FYB1: variants seen among roughly 807,000 people sequenced by gnomAD.
FYB1 encodes FYN binding protein 1.
A neutral mutation model predicts 94.1 loss-of-function variants in FYB1; 41 were observed. The ratio of observed to expected loss-of-function variants is 0.44; its 90% CI spans 0.34 to 0.57. The LOEUF is 0.57. Among genes scored for constraint, FYB1 ranks in the 20% least tolerant of loss-of-function variants. FYB1 has a pLI of 0.02. For missense variants in FYB1, 1,050 were observed against 976.8 expected (o/e 1.07, Z -1.00); for synonymous variants, 367 against 353.2 (o/e 1.04, Z -0.44).
intron 9 of FYB1, among the ~76,000 whole-genome samples, chr5:39,131,246 C>G (rs1741181743): frequency 6.6e-6 from 1 of 151,964 alleles, no homozygotes. Context: ...CCTATATCTC[C>G]CACTAAAATG....
chr5:39,133,846 G>GA (rs1741422970), intron 9 of FYB1, among the ~76,000 whole-genome samples: 1 of 151,996 alleles, frequency 6.6e-6, no homozygotes, highest in African/African-American at 2.4e-5. Context: ...AGATTTATGA[G>GA]AAAAAATGGG....
At chr5:39,189,088 C>T (rs1747117806) in intron 2 of FYB1, among the ~76,000 whole-genome samples, 1 of 152,130 alleles carries the variant, frequency 6.6e-6, no homozygotes, top group South Asian at 2.1e-4. Flanking sequence ...TCTTTCTCCT[C>T]AGAGATCCAT....
At chr5:39,123,542 A>G (rs151312224) in intron 13 of FYB1, among the ~76,000 whole-genome samples, 33 of 152,286 alleles carry the variant, frequency 2.2e-4, no homozygotes, top group African/African-American at 7.7e-4. Context: ...GGCACTGATC[A>G]GCTTGAGTTT....
chr5:39,206,817 T>G (rs1217102815), intron 1 of FYB1, among the ~76,000 whole-genome samples: 2 of 152,186 alleles, frequency 1.3e-5, no homozygotes, highest in Non-Finnish European at 2.9e-5. Flanking sequence ...ACACACATAT[T>G]CACAAACAAA....
chr5:39,169,701 C>T (rs529395186), intron 2 of FYB1: 5 of 449,750 alleles, frequency 1.1e-5, no homozygotes, highest in Non-Finnish European at 1.8e-5. Context: ...AAAAATTAGC[C>T]GGGCCAGTCG....
At chr5:39,223,283 A>C (rs1253716502), upstream of FYB1, among the ~76,000 whole-genome samples, 2 of 152,108 alleles carry the variant, frequency 1.3e-5, no homozygotes, top group Non-Finnish European at 2.9e-5. Flanking sequence ...ATTTTCCCCT[A>C]TCATTTAGAG....
intron 16 of FYB1, among the ~76,000 whole-genome samples, chr5:39,117,573 T>C (rs956601461): frequency 2.2e-4 from 34 of 152,184 alleles, no homozygotes; most frequent in Admixed American, 2.1e-3. Context: ...CCACATTCTG[T>C]ATTTTCCTTT....
At chr5:39,153,357 T>A in intron 3 of FYB1, 91 bp downstream of exon 3, 1 of 1,498,502 alleles carries the variant, frequency 6.7e-7, no homozygotes, top group Non-Finnish European at 9.2e-7. Context: ...CCCAGAAGTT[T>A]CCCATGGAAC....
intron 9 of FYB1, among the ~76,000 whole-genome samples, chr5:39,133,024 C>A (rs1741343687): frequency 6.6e-6 from 1 of 152,160 alleles, no homozygotes; most frequent in Non-Finnish European, 1.5e-5. Flanking sequence ...ATGTTTAGAA[C>A]ATGGTAAGAA....
At chr5:39,209,387 C>T (rs1184622417) in intron 1 of FYB1, among the ~76,000 whole-genome samples, 5 of 151,128 alleles carry the variant, frequency 3.3e-5, no homozygotes, top group Non-Finnish European at 5.9e-5. Flanking sequence ...AGTGCAGTAG[C>T]GCGATCTTGG....
intron 1 of FYB1, among the ~76,000 whole-genome samples, chr5:39,258,749 T>G (rs935966103): frequency 3.3e-5 from 5 of 152,094 alleles, no homozygotes; most frequent in Admixed American, 3.3e-4. Flanking sequence ...ACTTAGCACA[T>G]GTCAGTGATA....
intron 2 of FYB1, chr5:39,169,551 A>G: frequency 1.9e-6 from 1 of 532,238 alleles, no homozygotes; most frequent in Non-Finnish European, 3.7e-6. Flanking sequence ...CTCCAGTTGA[A>G]AGACCAAGGA....
intron 3 of FYB1, among the ~76,000 whole-genome samples, chr5:39,141,891 T>G (rs1409813686): frequency 2.0e-5 from 3 of 150,324 alleles, no homozygotes; most frequent in East Asian, 3.9e-4. Flanking sequence ...AAAAAAAAAC[T>G]TACATAGTTC....
At chr5:39,261,154 C>G (rs1037618721) in intron 1 of FYB1, among the ~76,000 whole-genome samples, 1 of 151,640 alleles carries the variant, frequency 6.6e-6, no homozygotes, top group Non-Finnish European at 1.5e-5. Context: ...GGGAGGGGAA[C>G]AACACACACC....
At chr5:39,122,493 T>TTATATTAAATAAAATAATAAA (rs1740220248) in intron 13 of FYB1, 91 bp from the exon 14 acceptor site, 8 of 763,938 alleles carry the variant, frequency 1.0e-5, no homozygotes, top group Non-Finnish European at 1.8e-5. Flanking sequence ...AAAGATTGCT[T>TTATATTAAATAAAATAATAAA]CAAGGACAAT....
intron 3 of FYB1, among the ~76,000 whole-genome samples, chr5:39,147,089 G>A (rs1742724441): frequency 6.6e-6 from 1 of 152,080 alleles, no homozygotes; most frequent in Non-Finnish European, 1.5e-5. Context: ...AGAAAAAGAA[G>A]CTTATCAGTT....
chr5:39,178,750 T>C (rs1745953689), intron 2 of FYB1, among the ~76,000 whole-genome samples: 1 of 152,210 alleles, frequency 6.6e-6, no homozygotes, highest in African/African-American at 2.4e-5. Context: ...TTAAAAAATC[T>C]TTAAAGAAAT....
At chr5:39,169,368 G>C in intron 2 of FYB1, 1 of 759,998 alleles carries the variant, frequency 1.3e-6, no homozygotes. Flanking sequence ...CCGGTCAATT[G>C]AACTAGCTTT....
At chr5:39,138,819 G>T (rs1045024124) in intron 5 of FYB1, 128 bp from the exon 6 acceptor site, 2 of 695,862 alleles carry the variant, frequency 2.9e-6, no homozygotes, top group Middle Eastern at 3.4e-4. Flanking sequence ...ATATTAAATG[G>T]TCCAGAGGAA....
Sources: allele counts gnomAD v4.1 joint callset (sites outside exome capture counted in the v4.1 genomes callset), GRCh38; gene constraint gnomAD v4.1.1; transcripts MANE v1.5; gene names NCBI Gene and HGNC (gene_info 2026-07-23, HGNC 2026-07-21).